PRKCE: variants seen among roughly 807,000 people sequenced by gnomAD.
PRKCE encodes protein kinase C epsilon.
In PRKCE, 16 loss-of-function variants were observed where a neutral mutation model predicts 85.4. That is an observed-to-expected ratio of 0.19 (90% CI 0.13 to 0.28). PRKCE has a LOEUF of 0.28. Ranked by LOEUF, PRKCE falls within the 10% of genes least tolerant of loss-of-function variation. The pLI is 1.00. For synonymous variants in PRKCE, 388 were observed against 371.5 expected, an observed-to-expected ratio of 1.04 and a Z score of -0.51; for missense variants, 573 against 975.2, an observed-to-expected ratio of 0.59 and a Z score of 5.49.
At chr2:46,175,919 A>G (rs2104688808) in intron 14 of PRKCE, among the ~76,000 whole-genome samples, 1 of 152,136 alleles carries the variant, frequency 6.6e-6, no homozygotes, top group Non-Finnish European at 1.5e-5. Context: ...AAAGAGACCC[A>G]CGGCCTTTAT....
chr2:46,074,706 T>C (rs571371039), intron 10 of PRKCE, among the ~76,000 whole-genome samples: 1 of 152,314 alleles, frequency 6.6e-6, no homozygotes, highest in Non-Finnish European at 1.5e-5. Context: ...GTAGGTTCTG[T>C]GTGAGGCCCA....
chr2:45,871,783 T>C (rs1306624487), intron 2 of PRKCE, among the ~76,000 whole-genome samples: 1 of 152,216 alleles, frequency 6.6e-6, no homozygotes, highest in Non-Finnish European at 1.5e-5. Context: ...AGTTCCCTCC[T>C]GAGACTGCCC....
At chr2:46,114,710 T>C (rs1416726311) in intron 11 of PRKCE, among the ~76,000 whole-genome samples, 1 of 55,372 alleles carries the variant, frequency 1.8e-5, no homozygotes, top group African/African-American at 3.7e-5. Context: ...TGAGCCACCG[T>C]GCCCAGCCCC....
chr2:46,158,586 A>G (rs1485316226), intron 13 of PRKCE, among the ~76,000 whole-genome samples: 1 of 152,210 alleles, frequency 6.6e-6, no homozygotes, highest in Non-Finnish European at 1.5e-5. Flanking sequence ...GGCAAGAAAT[A>G]GTTAGAGGCT....
chr2:45,689,995 A>G (rs1402591038), intron 1 of PRKCE, among the ~76,000 whole-genome samples: 1 of 151,952 alleles, frequency 6.6e-6, no homozygotes, highest in Non-Finnish European at 1.5e-5. Context: ...TTCCAGAAAT[A>G]CTCTGTGCAT....
intron 2 of PRKCE, among the ~76,000 whole-genome samples, chr2:45,936,629 A>C (rs1261925697): frequency 1.3e-5 from 2 of 152,230 alleles, no homozygotes; most frequent in Admixed American, 6.5e-5. Context: ...TTACCCACCA[A>C]GGCCGGAGGA....
chr2:46,062,375 T>C (rs1667225718), intron 10 of PRKCE, among the ~76,000 whole-genome samples: 1 of 152,198 alleles, frequency 6.6e-6, no homozygotes, highest in Non-Finnish European at 1.5e-5. Context: ...TGGGCAGATA[T>C]GTCCTACTCA....
At chr2:45,795,845 C>A (rs954217110) in intron 1 of PRKCE, among the ~76,000 whole-genome samples, 7 of 152,074 alleles carry the variant, frequency 4.6e-5, no homozygotes, top group South Asian at 2.1e-4. Context: ...TGCTGTGAGA[C>A]CCCCCGCAGA....
intron 10 of PRKCE, among the ~76,000 whole-genome samples, chr2:46,037,521 C>T (rs755769873): frequency 6.6e-6 from 1 of 152,034 alleles, no homozygotes; most frequent in African/African-American, 2.4e-5. Flanking sequence ...ATCCCTCAGG[C>T]GAACGCTTCC....
chr2:46,113,900 A>G (rs1418640406), intron 11 of PRKCE, among the ~76,000 whole-genome samples: 5 of 152,140 alleles, frequency 3.3e-5, no homozygotes, highest in Admixed American at 3.3e-4. Flanking sequence ...CCTCAGATAG[A>G]TGATTGGGCT....
intron 10 of PRKCE, among the ~76,000 whole-genome samples, chr2:46,077,830 A>C (rs1668693127): frequency 6.6e-6 from 1 of 152,240 alleles, no homozygotes; most frequent in Non-Finnish European, 1.5e-5. Context: ...CTAGAAATAC[A>C]GAGTTGGAAG....
intron 11 of PRKCE, among the ~76,000 whole-genome samples, chr2:46,130,478 CAT>C (rs756798995): frequency 5.3e-5 from 8 of 152,258 alleles, no homozygotes; most frequent in South Asian, 2.1e-4. Context: ...TCTCACAACA[CAT>C]GTTAATTATC....
At chr2:45,792,168 A>T (rs1687084673) in intron 1 of PRKCE, among the ~76,000 whole-genome samples, 1 of 152,140 alleles carries the variant, frequency 6.6e-6, no homozygotes, top group Non-Finnish European at 1.5e-5. Context: ...GCAGAAGGGC[A>T]AAGGGGAAGT....
At chr2:45,970,151 T>C (rs1702012865) in intron 2 of PRKCE, among the ~76,000 whole-genome samples, 1 of 152,246 alleles carries the variant, frequency 6.6e-6, no homozygotes, top group Non-Finnish European at 1.5e-5. Context: ...TCTGAAAACA[T>C]GTCAACTGGC....
At chr2:45,866,863 T>C (rs374399536) in intron 2 of PRKCE, among the ~76,000 whole-genome samples, 2 of 152,232 alleles carry the variant, frequency 1.3e-5, no homozygotes, top group African/African-American at 2.4e-5. Context: ...CACTGGCACA[T>C]GAAATAACAT....
rs1427935535 is a variant in PRKCE, at chr2:45,696,155, TG to T, written c.348+43708del. On this transcript the variant is annotated intron_variant, in intron 1 of 14. Coordinates refer to ENST00000306156, the MANE Select transcript of PRKCE (RefSeq NM_005400.3). ...TTTTTTTGTAGAACAGGGGTCTCTC[TG>T]TGTTGCACAGGCTGGTCTTGAACTC... Among the ~76,000 whole-genome samples, 3 of 141,342 alleles carry T rather than the reference TG, an allele frequency of 2.1e-5. No individual in the cohort carries two copies. The East Asian group carries it at 6.5e-4, about 31-fold the overall frequency. 92.7% of individuals were successfully genotyped at this position (141,342 alleles called of 152,430 possible).
intron 1 of PRKCE, among the ~76,000 whole-genome samples, chr2:45,653,947 T>C (rs538055833): frequency 2.0e-5 from 3 of 152,232 alleles, no homozygotes; most frequent in African/African-American, 7.2e-5. Flanking sequence ...TTCTTTTCCA[T>C]GCATGGCCTT....
At chr2:45,658,597 T>C (rs906494883) in intron 1 of PRKCE, among the ~76,000 whole-genome samples, 2 of 152,196 alleles carry the variant, frequency 1.3e-5, no homozygotes, top group African/African-American at 4.8e-5. Flanking sequence ...ATCTGTAAAA[T>C]GGAAATGTCG....
intron 1 of PRKCE, among the ~76,000 whole-genome samples, chr2:45,807,553 G>A (rs1688336780): frequency 6.6e-6 from 1 of 152,192 alleles, no homozygotes; most frequent in Admixed American, 6.5e-5. Flanking sequence ...GACGAGCAGA[G>A]TGCAAATCAT....
Sources: gnomAD v4.1 joint callset for allele counts (sites outside exome capture counted in the v4.1 genomes callset) on GRCh38, gnomAD v4.1.1 for gene constraint, MANE v1.5 for transcripts, NCBI Gene and HGNC (gene_info 2026-07-23, HGNC 2026-07-21) for gene names.